RERE: variants seen among roughly 807,000 people sequenced by gnomAD.
RERE encodes arginine-glutamic acid dipeptide repeats protein.
Under a neutral mutation model 146.1 loss-of-function variants are expected in RERE, and 40 were observed. That is an observed-to-expected ratio of 0.27 (90% CI 0.21 to 0.36). The LOEUF (loss-of-function observed/expected upper bound fraction) is 0.36. Among genes scored for constraint, RERE ranks in the 10% least tolerant of loss-of-function variants. The probability of loss-of-function intolerance (pLI) is 1.00; values close to 1 mark genes in which losing one functional copy is unlikely to be tolerated. For missense variants in RERE, 1,933 were observed against 2,138.7 expected (o/e 0.90, Z 1.90); for synonymous variants, 1,003 against 866.0 (o/e 1.16, Z -2.78).
intron 12 of RERE, among the ~76,000 whole-genome samples, chr1:8,398,696 C>T (rs1268792606): frequency 1.3e-5 from 2 of 152,290 alleles, no homozygotes; most frequent in East Asian, 3.9e-4. Flanking sequence ...AGAAAATACG[C>T]AGCCTAAAAA....
intron 12 of RERE, among the ~76,000 whole-genome samples, chr1:8,415,999 A>T (rs1197176619): frequency 6.6e-6 from 1 of 152,224 alleles, no homozygotes; most frequent in Non-Finnish European, 1.5e-5. Context: ...CAGCCCCTCA[A>T]ATAACTTATA....
At chr1:8,371,328 G>C (rs946547295) in intron 12 of RERE, among the ~76,000 whole-genome samples, 2 of 152,168 alleles carry the variant, frequency 1.3e-5, no homozygotes, top group South Asian at 4.1e-4. Context: ...TCCCAGCAGA[G>C]GTGTCTTTCC....
chr1:8,763,507 C>T (rs1367819643), intron 1 of RERE, among the ~76,000 whole-genome samples: 2 of 152,164 alleles, frequency 1.3e-5, no homozygotes, highest in East Asian at 1.9e-4. Context: ...TGGAGGCGCA[C>T]GCCTGTAATC....
At chr1:8,637,679 A>C (rs1335813382) in intron 2 of RERE, among the ~76,000 whole-genome samples, 1 of 152,218 alleles carries the variant, frequency 6.6e-6, no homozygotes, top group African/African-American at 2.4e-5. Context: ...ATGGTGGCAA[A>C]GATTTACCCT....
intron 4 of RERE, among the ~76,000 whole-genome samples, chr1:8,585,055 G>C (rs556003997): frequency 6.6e-6 from 1 of 151,528 alleles, no homozygotes; most frequent in South Asian, 2.1e-4. Context: ...GGCTGAGGTA[G>C]GAGGATCACT....
intron 12 of RERE, among the ~76,000 whole-genome samples, chr1:8,383,715 C>T (rs564809816): frequency 2.0e-5 from 3 of 151,916 alleles, no homozygotes; most frequent in South Asian, 2.1e-4. Flanking sequence ...AAAAATTAGC[C>T]GGGTGTGGTG....
At chr1:8,366,450 T>C (rs915998520) in intron 12 of RERE, among the ~76,000 whole-genome samples, 2 of 152,176 alleles carry the variant, frequency 1.3e-5, no homozygotes, top group African/African-American at 4.8e-5. Flanking sequence ...CCCGGCCAGT[T>C]AGACTCCCCC....
chr1:8,607,190 G>A lies in RERE; in HGVS notation c.522+7371C>T, dbSNP rs117199076. On this transcript the variant is annotated intron_variant, in intron 4 of 22. Transcript: ENST00000400908. ...AGCCTGGGCAATGTGGCAAAGCCCCGTCTCTAAAAAAATTTAAAAATTAGC... is the reference window on the plus strand; with the variant it reads ...AGCCTGGGCAATGTGGCAAAGCCCCATCTCTAAAAAAATTTAAAAATTAGC... 2.0e-3 allele frequency among the ~76,000 whole-genome samples: 309 copies of A among 151,902 alleles called. 3 individuals are homozygous for A. In the East Asian group the frequency reaches 0.04, roughly 20 times the overall value.
intron 2 of RERE, among the ~76,000 whole-genome samples, chr1:8,641,036 CT>C (rs1647169679): frequency 6.6e-6 from 1 of 152,202 alleles, no homozygotes; most frequent in African/African-American, 2.4e-5. Flanking sequence ...ACTGCTCCAT[CT>C]TCATAGACAG....
chr1:8,551,441 C>CTAA, intron 6 of RERE, among the ~76,000 whole-genome samples: 2 of 152,300 alleles, frequency 1.3e-5, no homozygotes, highest in East Asian at 3.9e-4. Flanking sequence ...AGATAGCTCC[C>CTAA]TAAGCTGAAC....
chr1:8,387,762 T>A (rs1642732224), intron 12 of RERE, among the ~76,000 whole-genome samples: 1 of 152,222 alleles, frequency 6.6e-6, no homozygotes, highest in Admixed American at 6.5e-5. Context: ...ATAATGTTGG[T>A]AAGCATTTTA....
At chr1:8,741,522 C>T (rs55672858) in intron 1 of RERE, among the ~76,000 whole-genome samples, 3,954 of 152,266 alleles carry the variant, frequency 0.026, 162 homozygotes, top group African/African-American at 0.089. Context: ...ATGCTGTTCT[C>T]GTGATGGTCA....
intron 3 of RERE, among the ~76,000 whole-genome samples, chr1:8,618,299 C>G (rs1646880086): frequency 6.6e-6 from 1 of 152,140 alleles, no homozygotes; most frequent in Non-Finnish European, 1.5e-5. Context: ...ATCCCAACTT[C>G]ACAGGTAACT....
In RERE at chr1:8,364,277, G is replaced by T; in HGVS notation, c.1541-22C>A. The T allele has an allele frequency of 6.2e-7, 1 of 1,609,032 alleles. No individual in the cohort carries two copies. The highest frequency in any genetic ancestry group is 8.5e-7 in the Non-Finnish European group (1 of 1,175,648). The stretch of plus-strand genomic sequence containing the variant: ...GAGGCTGTGTGAGGGAAGTGGTGGG[G>T]GCCAACCTTGGAAACCATCCCTCTC... On this transcript the variant is annotated intron_variant, in intron 14 of 22. Transcript: ENST00000400908. The surrounding 1 kb of genome is among the most constrained non-coding windows in gnomAD (Gnocchi z 5.1).
chr1:8,698,754 G>A lies in RERE; in HGVS notation c.-144-42313C>T, dbSNP rs934697987. Among the ~76,000 whole-genome samples, 16 of 151,954 alleles carry A rather than the reference G, an allele frequency of 1.1e-4. No homozygotes were observed. The South Asian group carries it at 1.5e-3, about 14-fold the overall frequency. On this transcript the variant is annotated intron_variant, in intron 1 of 22. Coordinates refer to ENST00000400908, the MANE Select transcript of RERE (RefSeq NM_001042681.2). The stretch of plus-strand genomic sequence containing the variant: ...CTTGAACTTCTGGACTCCAGAGATC[G>A]AGATCTTCCCAATAGGGCCTCTCAA...
intron 1 of RERE, 88 bp from the exon 2 acceptor site, chr1:8,656,529 T>C: frequency 3.5e-6 from 2 of 564,456 alleles, no homozygotes; most frequent in South Asian, 3.3e-5. Context: ...TACTTATTCA[T>C]GCTTTACACC....
At chr1:8,526,367 A>T (rs1328458291) in intron 7 of RERE, among the ~76,000 whole-genome samples, 1 of 151,758 alleles carries the variant, frequency 6.6e-6, no homozygotes, top group Non-Finnish European at 1.5e-5. Context: ...CAAAAGACAG[A>T]TATGAATGAC....
intron 10 of RERE, among the ~76,000 whole-genome samples, chr1:8,482,397 A>C (rs1050197529): frequency 1.1e-4 from 17 of 152,068 alleles, no homozygotes; most frequent in African/African-American, 4.1e-4. Context: ...AAGACAAAAA[A>C]TAGGCTGGGT....
intron 10 of RERE, among the ~76,000 whole-genome samples, chr1:8,487,286 A>AC (rs1306700545): frequency 2.0e-5 from 3 of 152,092 alleles, no homozygotes. Context: ...TAACTTGATT[A>AC]AAAAAACAAA....
Sources: allele counts gnomAD v4.1 joint callset (sites outside exome capture counted in the v4.1 genomes callset), GRCh38; gene constraint gnomAD v4.1.1; non-coding constraint Gnocchi (gnomAD v3.1); transcripts MANE v1.5; gene names NCBI Gene and HGNC (gene_info 2026-07-23, HGNC 2026-07-21).